Variants in DAB1 observed in about 807,000 individuals in gnomAD.
The protein encoded by DAB1 is disabled homolog 1.
Under a neutral mutation model 64.6 loss-of-function variants are expected in DAB1, and 15 were observed. The observed-to-expected ratio is 0.23, with a 90% CI of 0.16 to 0.36. The LOEUF (loss-of-function observed/expected upper bound fraction) is 0.36. Ranked by LOEUF, DAB1 falls within the 10% of genes least tolerant of loss-of-function variation. DAB1 has a pLI of 1.00. For synonymous variants in DAB1, 235 were observed against 251.9 expected, an observed-to-expected ratio of 0.93 and a Z score of 0.64; for missense variants, 596 against 706.7, an observed-to-expected ratio of 0.84 and a Z score of 1.78.
At chr1:58,473,663 C>T (rs338232) in intron 3 of DAB1, among the ~76,000 whole-genome samples, 148,271 of 152,322 alleles carry the variant, frequency 0.97, 72,301 homozygotes, top group East Asian at 1. Context: ...ATTTCAGAGC[C>T]TGGTTTGTAA....
intron 8 of DAB1, among the ~76,000 whole-genome samples, chr1:57,069,077 T>C (rs564417914): frequency 6.6e-6 from 1 of 152,340 alleles, no homozygotes; most frequent in Non-Finnish European, 1.5e-5. Context: ...ACACCAGCTC[T>C]CCAATGTATT....
chr1:58,114,842 G>A (rs1051972272), intron 5 of DAB1, among the ~76,000 whole-genome samples: 2 of 152,196 alleles, frequency 1.3e-5, no homozygotes, highest in African/African-American at 4.8e-5. Context: ...TGTGCCAGTT[G>A]CTCATGGTTG....
At chr1:57,256,311 A>T (rs774689307) in intron 2 of DAB1, among the ~76,000 whole-genome samples, 1 of 152,244 alleles carries the variant, frequency 6.6e-6, no homozygotes, top group Admixed American at 6.5e-5. Flanking sequence ...TAGAGACAGG[A>T]TCTGGAAAAT....
Position 57,713,013 on chromosome 1 carries a change from T to G in DAB1, n.552-63348A>C, listed in dbSNP as rs150198556. On this transcript the variant is annotated intron_variant and non_coding_transcript_variant, in intron 6 of 20. Transcript: ENST00000485760. ...AAAACTGACAGAGATGAAACAGTTTTGGGCTGATTTCCTTGGGTTGGCTCC... is the reference window on the plus strand; with the variant it reads ...AAAACTGACAGAGATGAAACAGTTTGGGGCTGATTTCCTTGGGTTGGCTCC... Among the ~76,000 whole-genome samples the G allele has an allele frequency of 2.7e-3, 414 of 152,312 alleles. 2 individuals carry two copies. Among genetic ancestry groups the G allele is most frequent in the African/African-American group, 9.4e-3 (389 of 41,576 alleles).
At chr1:57,005,010 T>G (rs2100237532) in intron 14 of DAB1, among the ~76,000 whole-genome samples, 1 of 152,300 alleles carries the variant, frequency 6.6e-6, no homozygotes, top group Middle Eastern at 3.4e-3. Context: ...AACAAAGCTT[T>G]CTGGCCACTT....
At chr1:58,403,427 T>G (rs1481991197) in intron 3 of DAB1, among the ~76,000 whole-genome samples, 1 of 152,198 alleles carries the variant, frequency 6.6e-6, no homozygotes, top group Non-Finnish European at 1.5e-5. Flanking sequence ...TTCCCTGCAT[T>G]ACTTCCTTTT....
intron 1 of DAB1, among the ~76,000 whole-genome samples, chr1:57,411,196 C>T (rs1045809798): frequency 6.6e-6 from 1 of 152,098 alleles, no homozygotes; most frequent in African/African-American, 2.4e-5. Context: ...AGTCAAAAAC[C>T]CTGCCAGTAT....
chr1:57,555,865 G>C (rs1644982432), intron 7 of DAB1, among the ~76,000 whole-genome samples: 1 of 152,156 alleles, frequency 6.6e-6, no homozygotes, highest in South Asian at 2.1e-4. Context: ...CCATTTCCCA[G>C]CTGAGAATCT....
chr1:58,207,944 G>A (rs1440747710), intron 4 of DAB1, among the ~76,000 whole-genome samples: 1 of 152,118 alleles, frequency 6.6e-6, no homozygotes, highest in African/African-American at 2.4e-5. Context: ...ACTTCCACAG[G>A]GCTGGGGAAG....
At chr1:58,362,482 C>A (rs1259681876) in intron 3 of DAB1, among the ~76,000 whole-genome samples, 6 of 152,196 alleles carry the variant, frequency 3.9e-5, no homozygotes, top group African/African-American at 1.2e-4. Context: ...AGTCCATGAT[C>A]TAGGAGTTGT....
At chr1:58,431,296 G>T (rs1413646192) in intron 3 of DAB1, among the ~76,000 whole-genome samples, 1 of 152,122 alleles carries the variant, frequency 6.6e-6, no homozygotes, top group African/African-American at 2.4e-5. Context: ...AAAAGAAAAA[G>T]TTCCTATAAT....
At chr1:57,470,677 C>A (rs771327399) in intron 7 of DAB1, among the ~76,000 whole-genome samples, 1 of 152,110 alleles carries the variant, frequency 6.6e-6, no homozygotes, top group Non-Finnish European at 1.5e-5. Flanking sequence ...CACATTTAGA[C>A]CCTGATGATT....
At chr1:57,413,963 C>G (rs1558340213) in intron 1 of DAB1, among the ~76,000 whole-genome samples, 1 of 152,108 alleles carries the variant, frequency 6.6e-6, no homozygotes, top group Non-Finnish European at 1.5e-5. Context: ...GAAAATGAAA[C>G]TGAATTGCTG....
chr1:57,617,201 T>C (rs1014175829), intron 7 of DAB1, among the ~76,000 whole-genome samples: 1 of 152,098 alleles, frequency 6.6e-6, no homozygotes, highest in Non-Finnish European at 1.5e-5. Flanking sequence ...CTTCCAAGAA[T>C]AGCCCTCTGC....
At chr1:57,454,104 T>A (rs58320803) in intron 7 of DAB1, among the ~76,000 whole-genome samples, 29 of 152,252 alleles carry the variant, frequency 1.9e-4, no homozygotes, top group Admixed American at 5.2e-4. Flanking sequence ...AGGTTTACTA[T>A]GCCAAGTTCT....
At chr1:58,538,256 C>G (rs984344685) in intron 1 of DAB1, among the ~76,000 whole-genome samples, 2 of 151,748 alleles carry the variant, frequency 1.3e-5, no homozygotes, top group African/African-American at 4.8e-5. Flanking sequence ...TAAAGGATCA[C>G]CAAGGAAAAA....
chr1:57,833,739 C>A (rs556410559), intron 1 of DAB1, among the ~76,000 whole-genome samples: 1 of 152,266 alleles, frequency 6.6e-6, no homozygotes, highest in South Asian at 2.1e-4. Flanking sequence ...TTCTAGCCTA[C>A]CCTAACTGCA....
chr1:57,088,005 T>C (rs1246561075), intron 4 of DAB1, among the ~76,000 whole-genome samples: 1 of 152,224 alleles, frequency 6.6e-6, no homozygotes, highest in Admixed American at 6.5e-5. Flanking sequence ...CTGAGCCCTC[T>C]TCTTCGCTAG....
intron 2 of DAB1, among the ~76,000 whole-genome samples, chr1:57,271,347 C>T (rs190380493): frequency 9.8e-4 from 149 of 152,322 alleles, no homozygotes; most frequent in Non-Finnish European, 1.7e-3. Flanking sequence ...TCTGTCCTCA[C>T]TGGTGTTTAC....
Sources: allele counts gnomAD v4.1 joint callset (sites outside exome capture counted in the v4.1 genomes callset), GRCh38; gene constraint gnomAD v4.1.1; transcripts MANE v1.5; gene names NCBI Gene and HGNC (gene_info 2026-07-23, HGNC 2026-07-21).